ELAPOR2: variants seen among roughly 807,000 people sequenced by gnomAD.
ELAPOR2 encodes endosome/lysosome-associated apoptosis and autophagy regulator family member 2.
ELAPOR2 carries 89 observed loss-of-function variants against 120.7 expected under a neutral mutation model. The observed-to-expected ratio is 0.74, with a 90% CI of 0.62 to 0.88. The LOEUF (loss-of-function observed/expected upper bound fraction) is 0.88, where lower values mean the gene tolerates loss of function less well. ELAPOR2 is among the 40% of genes least tolerant of loss of function. ELAPOR2 has a pLI of 0.00. For missense variants in ELAPOR2, 1,134 were observed against 1,251.6 expected, an observed-to-expected ratio of 0.91 and a Z score of 1.42; for synonymous variants, 444 against 444.9, an observed-to-expected ratio of 1.00 and a Z score of 0.03.
intron 1 of ELAPOR2, among the ~76,000 whole-genome samples, chr7:87,056,624 C>T (rs1795271176): frequency 6.6e-6 from 1 of 152,208 alleles, no homozygotes; most frequent in Non-Finnish European, 1.5e-5. Flanking sequence ...AATCCAAAGA[C>T]TTTGACAAAG....
chr7:86,905,953 A>G (rs772959968), intron 18 of ELAPOR2, among the ~76,000 whole-genome samples: 13 of 152,156 alleles, frequency 8.5e-5, no homozygotes, highest in Non-Finnish European at 1.5e-4. Context: ...CCAGGAGACT[A>G]TTTTCCTTAT....
At position 87,001,485 on chromosome 7, in the gene ELAPOR2, A is replaced by G. The variant is rs116663709; in HGVS notation, c.190-36461T>C. Among the ~76,000 whole-genome samples, 436 of 152,268 alleles carry G rather than the reference A, an allele frequency of 2.9e-3. 3 individuals carry two copies. The highest frequency in any genetic ancestry group is 0.01 in the African/African-American group (416 of 41,560). On this transcript the variant is annotated intron_variant, in intron 1 of 21. Transcript: ENST00000450689. ...GAAACAGCTCAGTTTCTGGCTGGAG[A>G]ACTTGCCAGAGGAAGTGGCATAGTG...
chr7:86,961,972 G>A (rs544811753), intron 2 of ELAPOR2, among the ~76,000 whole-genome samples: 1 of 152,162 alleles, frequency 6.6e-6, no homozygotes, highest in South Asian at 2.1e-4. Flanking sequence ...CAGCAGAGAG[G>A]ACAAAAAGAC....
intron 21 of ELAPOR2, among the ~76,000 whole-genome samples, chr7:86,889,372 C>T (rs1799845098): frequency 6.6e-6 from 1 of 150,464 alleles, no homozygotes; most frequent in African/African-American, 2.4e-5. Flanking sequence ...AGATACAGTA[C>T]CCCCCACCCT....
chr7:86,913,665 C>G (rs1027743989), intron 13 of ELAPOR2, among the ~76,000 whole-genome samples: 7 of 152,178 alleles, frequency 4.6e-5, no homozygotes, highest in African/African-American at 1.4e-4. Flanking sequence ...TAGTCATACA[C>G]AAACATTAAC....
chr7:86,927,280 T>C (rs1790118954), intron 8 of ELAPOR2, among the ~76,000 whole-genome samples: 1 of 152,034 alleles, frequency 6.6e-6, no homozygotes, highest in Non-Finnish European at 1.5e-5. Flanking sequence ...TTTTTCATTT[T>C]GAGACTTCCA....
intron 1 of ELAPOR2, among the ~76,000 whole-genome samples, chr7:87,028,446 T>C (rs1479899062): frequency 6.6e-6 from 1 of 152,102 alleles, no homozygotes; most frequent in Non-Finnish European, 1.5e-5. Flanking sequence ...TAGCACTTGG[T>C]CCTTGACTAC....
intron 1 of ELAPOR2, among the ~76,000 whole-genome samples, chr7:87,043,706 C>T (rs1467669338): frequency 6.7e-6 from 1 of 149,568 alleles, no homozygotes; most frequent in East Asian, 2.0e-4. Context: ...TGGCACAAGA[C>T]AGGGATGCCC....
intron 2 of ELAPOR2, among the ~76,000 whole-genome samples, chr7:86,958,627 G>C (rs1314088494): frequency 6.6e-6 from 1 of 152,106 alleles, no homozygotes; most frequent in African/African-American, 2.4e-5. Flanking sequence ...AGAGCACCCA[G>C]GAAAACCAGA....
chr7:86,905,205 AAAGAG>A (rs1788951494), intron 18 of ELAPOR2, among the ~76,000 whole-genome samples: 1 of 151,056 alleles, frequency 6.6e-6, no homozygotes, highest in African/African-American at 2.4e-5. Flanking sequence ...AGAGAGAGAG[AAAGAG>A]AGAGAGGAAG....
chr7:86,883,610 ATCTT>A (rs781407537), intron 21 of ELAPOR2, among the ~76,000 whole-genome samples: 14 of 152,342 alleles, frequency 9.2e-5, no homozygotes, highest in Admixed American at 3.9e-4. Flanking sequence ...TCTCAAAAAT[ATCTT>A]TCTGAGTAAA....
intron 19 of ELAPOR2, among the ~76,000 whole-genome samples, chr7:86,896,207 C>A (rs1562903487): frequency 6.6e-6 from 1 of 152,026 alleles, no homozygotes; most frequent in Non-Finnish European, 1.5e-5. Context: ...TAACTCTATG[C>A]TTGTACTTTA....
At chr7:86,988,455 T>C (rs1792833270) in intron 1 of ELAPOR2, among the ~76,000 whole-genome samples, 1 of 152,208 alleles carries the variant, frequency 6.6e-6, no homozygotes, top group African/African-American at 2.4e-5. Flanking sequence ...TATTAGGTAT[T>C]ATAAGCAGCC....
chr7:86,977,536 A>C (rs1253797078), intron 1 of ELAPOR2, among the ~76,000 whole-genome samples: 1 of 152,190 alleles, frequency 6.6e-6, no homozygotes, highest in East Asian at 1.9e-4. Context: ...TCTCAATACC[A>C]TAACACCACC....
chr7:87,016,877 G>C (rs914745694), intron 1 of ELAPOR2, among the ~76,000 whole-genome samples: 1 of 151,928 alleles, frequency 6.6e-6, no homozygotes, highest in Non-Finnish European at 1.5e-5. Context: ...GACTAAGCAT[G>C]ATCAAATAAA....
At chr7:87,007,681 A>T (rs1793527157) in intron 1 of ELAPOR2, among the ~76,000 whole-genome samples, 1 of 152,196 alleles carries the variant, frequency 6.6e-6, no homozygotes, top group South Asian at 2.1e-4. Context: ...TGGGCAGGAA[A>T]AGTATATGAT....
intron 21 of ELAPOR2, among the ~76,000 whole-genome samples, chr7:86,888,681 A>T (rs1345528366): frequency 6.6e-6 from 1 of 152,148 alleles, no homozygotes; most frequent in Non-Finnish European, 1.5e-5. Flanking sequence ...CATGAGGTGA[A>T]CAAAAGTCAC....
At chr7:87,057,770 C>T (rs1376568003) in intron 1 of ELAPOR2, among the ~76,000 whole-genome samples, 5 of 152,334 alleles carry the variant, frequency 3.3e-5, no homozygotes, top group Non-Finnish European at 5.9e-5. Context: ...AAAGGCATCA[C>T]TTCTATTGAC....
chr7:86,978,611 G>A (rs556649105), intron 1 of ELAPOR2, among the ~76,000 whole-genome samples: 1 of 152,280 alleles, frequency 6.6e-6, no homozygotes, highest in South Asian at 2.1e-4. Flanking sequence ...ATTGTTTATA[G>A]TCTAAGAAGG....
Sources: gnomAD v4.1 joint callset for allele counts (sites outside exome capture counted in the v4.1 genomes callset) on GRCh38, gnomAD v4.1.1 for gene constraint, MANE v1.5 for transcripts, NCBI Gene and HGNC (gene_info 2026-07-23, HGNC 2026-07-21) for gene names.